Variants in SRRM4 observed in about 807,000 individuals in gnomAD.
The protein encoded by SRRM4 is serine/arginine repetitive matrix protein 4.
Under a neutral mutation model 68.9 loss-of-function variants are expected in SRRM4, and 33 were observed. The ratio of observed to expected loss-of-function variants is 0.48; its 90% CI spans 0.36 to 0.64. The LOEUF is 0.64. Among genes scored for constraint, SRRM4 ranks in the 30% least tolerant of loss-of-function variants. The pLI, the probability that SRRM4 is intolerant of heterozygous loss-of-function variation, is 0.00. For missense variants in SRRM4, 817 were observed against 827.1 expected (o/e 0.99, Z 0.15); for synonymous variants, 318 against 318.8 (o/e 1.00, Z 0.03).
chr12:119,023,722 G>C (rs767534794), intron 1 of SRRM4, among the ~76,000 whole-genome samples: 7 of 152,122 alleles, frequency 4.6e-5, no homozygotes, highest in Non-Finnish European at 8.8e-5. Context: ...GAATGATCTG[G>C]TCACTGCCTC....
chr12:119,154,757 G>A lies in SRRM4; in HGVS notation c.1532+374G>A, dbSNP rs929126286. Reference sequence around the variant, plus strand: ...AATGGAGGCCAAAGCAATGGAGCAGGACCTTGGCCTGGTGGTGGATCCCGA... The same window carrying A: ...AATGGAGGCCAAAGCAATGGAGCAGAACCTTGGCCTGGTGGTGGATCCCGA... On this transcript the variant is annotated intron_variant, in intron 12 of 12. Transcript: ENST00000267260. This position sits in a 1 kb window ranked among gnomAD's most constrained non-coding sequence, Gnocchi z 4.7. 2.0e-5 allele frequency among the ~76,000 whole-genome samples: 3 copies of A among 152,324 alleles called. No homozygotes were observed. Among genetic ancestry groups the A allele is most frequent in the South Asian group, 4.1e-4 (2 of 4,824 alleles).
chr12:119,156,512 T>C lies in SRRM4; in HGVS notation c.1550T>C (p.Ile517Thr). The change falls in exon 13 of 13, where the codon ATC becomes ACC. Residue 517 changes from isoleucine to threonine, a missense_variant. Ile to Thr is a moderately conservative substitution (Grantham distance 89). Transcript: ENST00000267260. Reference sequence around the variant, plus strand: ...CTCTGCAGTGCCCGGAAACGCCCCATCCCCTACTATCGGCCCAGCCCCTCC... The same window carrying C: ...CTCTGCAGTGCCCGGAAACGCCCCACCCCCTACTATCGGCCCAGCCCCTCC... Reference protein sequence around the residue: ...RRITSARKRPIPYYRPSPSSS... With the variant: ...RRITSARKRPTPYYRPSPSSS... The C allele has an allele frequency of 6.2e-7, 1 of 1,608,120 alleles. No individual in the cohort carries two copies. The highest frequency in any genetic ancestry group is 8.5e-7 in the Non-Finnish European group (1 of 1,177,582).
chr12:118,986,468 A>G (rs1254587230), intron 1 of SRRM4, among the ~76,000 whole-genome samples: 2 of 152,186 alleles, frequency 1.3e-5, no homozygotes, highest in Non-Finnish European at 2.9e-5. Context: ...GTTGTGGTAG[A>G]TGTTCAGTGA....
chr12:119,001,631 T>G (rs1565886785), intron 1 of SRRM4: 3 of 152,200 alleles, frequency 2.0e-5, no homozygotes, highest in Non-Finnish European at 4.4e-5. Flanking sequence ...CATGTATGTA[T>G]TGTTATTTCT....
intron 1 of SRRM4, among the ~76,000 whole-genome samples, chr12:119,029,221 T>C (rs921828136): frequency 6.6e-6 from 1 of 152,176 alleles, no homozygotes; most frequent in African/African-American, 2.4e-5. Flanking sequence ...CCACTCTAAT[T>C]TCCTTAATCA....
intron 1 of SRRM4, among the ~76,000 whole-genome samples, chr12:119,082,817 A>G (rs994018275): frequency 9.2e-5 from 14 of 152,170 alleles, no homozygotes; most frequent in African/African-American, 3.1e-4. Context: ...TTTGCCACTC[A>G]CTGGCTATAT....
chr12:119,120,292 T>C lies in SRRM4; in HGVS notation c.464+16T>C. ...GAAGGCACAGGTAAGACTCTTGTTC[T>C]CTGACTGCCTGTTCAATTTTCTGCT... On this transcript the variant is annotated intron_variant, in intron 5 of 12. Transcript: ENST00000267260. 7 of 1,550,684 alleles carry C rather than the reference T, an allele frequency of 4.5e-6. No individual in the cohort carries two copies. The highest frequency in any genetic ancestry group is 1.4e-5 in the African/African-American group (1 of 73,100).
chr12:119,148,542 C>A (rs955223069), intron 9 of SRRM4, among the ~76,000 whole-genome samples: 1 of 152,176 alleles, frequency 6.6e-6, no homozygotes, highest in Admixed American at 6.5e-5. Context: ...GGTACACTGC[C>A]AAATGCTTTC....
intron 1 of SRRM4, among the ~76,000 whole-genome samples, chr12:119,007,735 G>T (rs1429773684): frequency 6.6e-6 from 1 of 152,122 alleles, no homozygotes; most frequent in Non-Finnish European, 1.5e-5. Context: ...TTGAAATACG[G>T]TTCTCTTTTT....
intron 4 of SRRM4, among the ~76,000 whole-genome samples, chr12:119,119,958 C>A (rs557143141): frequency 6.6e-6 from 1 of 152,122 alleles, no homozygotes; most frequent in East Asian, 1.9e-4. Context: ...ATCTCCCATA[C>A]AATTTTCATA....
At chr12:119,013,290 A>G (rs1953461294) in intron 1 of SRRM4, among the ~76,000 whole-genome samples, 1 of 152,214 alleles carries the variant, frequency 6.6e-6, no homozygotes. Flanking sequence ...CAGAGAGGCT[A>G]AGCAATTAAC....
At chr12:119,130,409 A>ATGGATG (rs1954289159) in intron 7 of SRRM4, among the ~76,000 whole-genome samples, 17 of 142,422 alleles carry the variant, frequency 1.2e-4, no homozygotes, top group African/African-American at 2.5e-4. Flanking sequence ...TTGCTTAGAC[A>ATGGATG]GATGGATGGA....
chr12:118,984,759 T>C (rs1205330480), intron 1 of SRRM4, among the ~76,000 whole-genome samples: 1 of 152,158 alleles, frequency 6.6e-6, no homozygotes, highest in Non-Finnish European at 1.5e-5. Context: ...CTTTATAATG[T>C]ATCAAATTGC....
intron 1 of SRRM4, among the ~76,000 whole-genome samples, chr12:119,041,475 G>A (rs7137807): frequency 0.58 from 88,819 of 152,034 alleles, 27,043 homozygotes; most frequent in Non-Finnish European, 0.67. Context: ...TACATAACTT[G>A]CATAATATCA....
At chr12:119,155,871 A>C (rs1954468149) in intron 12 of SRRM4, among the ~76,000 whole-genome samples, 1 of 152,220 alleles carries the variant, frequency 6.6e-6, no homozygotes, top group Admixed American at 6.5e-5. Flanking sequence ...TGGTATTATT[A>C]TTATCTTTGG....
intron 6 of SRRM4, among the ~76,000 whole-genome samples, chr12:119,122,712 C>T (rs1324426837): frequency 1.3e-5 from 2 of 151,968 alleles, no homozygotes; most frequent in Non-Finnish European, 2.9e-5. Flanking sequence ...AAATTCTATG[C>T]ACTGTGTGTG....
chr12:119,130,963 A>G lies in SRRM4; in HGVS notation c.771+129A>G, dbSNP rs1321736974. On this transcript the variant is annotated intron_variant, in intron 8 of 12. Coordinates refer to ENST00000267260, the MANE Select transcript of SRRM4 (RefSeq NM_194286.4). Reference sequence around the variant, plus strand: ...TGACAAAATATCCCACTGGCTCCAGACCTCATTAATGATGAACCAAATGAT... The same window carrying G: ...TGACAAAATATCCCACTGGCTCCAGGCCTCATTAATGATGAACCAAATGAT... 3.0e-6 allele frequency: 3 copies of G among 1,006,016 alleles called. No individual in the cohort carries two copies. In the South Asian group the frequency reaches 6.2e-5, roughly 21 times the overall value. The allele number at this position is 1,006,016 out of a possible 1,614,324, so 62.3% of individuals were successfully genotyped here.
intron 1 of SRRM4, among the ~76,000 whole-genome samples, chr12:119,024,569 G>C (rs1045987698): frequency 1.3e-5 from 2 of 152,156 alleles, no homozygotes; most frequent in South Asian, 4.1e-4. Context: ...TCTCCTGTAT[G>C]TCCTGGGTGC....
intron 1 of SRRM4, among the ~76,000 whole-genome samples, chr12:119,089,485 C>T (rs1369646996): frequency 2.6e-5 from 4 of 152,166 alleles, no homozygotes; most frequent in Non-Finnish European, 4.4e-5. Context: ...TGAGAAATGG[C>T]CACTTTTGCA....
Sources: allele counts gnomAD v4.1 joint callset (sites outside exome capture counted in the v4.1 genomes callset), GRCh38; gene constraint gnomAD v4.1.1; non-coding constraint Gnocchi (gnomAD v3.1); transcripts MANE v1.5; gene names NCBI Gene and HGNC (gene_info 2026-07-23, HGNC 2026-07-21).